RASGEF1C: variants seen among roughly 807,000 people sequenced by gnomAD.
The protein encoded by RASGEF1C is ras-GEF domain-containing family member 1C.
A neutral mutation model predicts 58.1 loss-of-function variants in RASGEF1C; 27 were observed. The observed-to-expected ratio is 0.46, with a 90% CI of 0.34 to 0.64. RASGEF1C has a LOEUF of 0.64. RASGEF1C is among the 30% of genes least tolerant of loss of function. The pLI, the probability that RASGEF1C is intolerant of heterozygous loss-of-function variation, is 0.01. For missense variants in RASGEF1C, 502 were observed against 605.1 expected, an observed-to-expected ratio of 0.83 and a Z score of 1.79; for synonymous variants, 243 against 246.3, an observed-to-expected ratio of 0.99 and a Z score of 0.13.
At chr5:180,169,412 T>C (rs1767067954) in intron 1 of RASGEF1C, among the ~76,000 whole-genome samples, 1 of 152,056 alleles carries the variant, frequency 6.6e-6, no homozygotes, top group African/African-American at 2.4e-5. Flanking sequence ...GGGGCTCCAG[T>C]GTCTGCTCCT....
intron 6 of RASGEF1C, among the ~76,000 whole-genome samples, chr5:180,122,033 C>G (rs1035692437): frequency 6.6e-6 from 1 of 152,206 alleles, no homozygotes; most frequent in African/African-American, 2.4e-5. Flanking sequence ...TGTGTGACAT[C>G]AGCATTCAGC....
At chr5:180,160,702 G>A (rs1766926482) in intron 1 of RASGEF1C, among the ~76,000 whole-genome samples, 1 of 152,150 alleles carries the variant, frequency 6.6e-6, no homozygotes, top group African/African-American at 2.4e-5. Context: ...TAGGTGCCCA[G>A]TGGAGAAAAC....
intron 1 of RASGEF1C, among the ~76,000 whole-genome samples, chr5:180,162,798 T>C (rs1303143383): frequency 1.3e-5 from 2 of 152,350 alleles, no homozygotes; most frequent in African/African-American, 4.8e-5. Flanking sequence ...GCATTACATA[T>C]GTAGATTAAT....
intron 12 of RASGEF1C, among the ~76,000 whole-genome samples, chr5:180,109,280 C>T (rs1287691232): frequency 6.6e-6 from 1 of 152,004 alleles, no homozygotes; most frequent in Non-Finnish European, 1.5e-5. Flanking sequence ...CATGGTGAAA[C>T]CCCGTCTCTA....
intron 1 of RASGEF1C, among the ~76,000 whole-genome samples, chr5:180,206,082 T>C (rs376745795): frequency 3.7e-4 from 56 of 152,220 alleles, no homozygotes; most frequent in African/African-American, 1.2e-3. Context: ...CTTTCACCAG[T>C]ATGTGAACAG....
At position 180,101,359 on chromosome 5, in the gene RASGEF1C, G is replaced by A; in HGVS notation, c.*142C>T. 4.5e-6 allele frequency: 4 copies of A among 880,314 alleles called. No homozygotes were observed. The highest frequency in any genetic ancestry group is 6.9e-6 in the Non-Finnish European group (4 of 576,304). 54.5% of individuals were successfully genotyped at this position (880,314 alleles called of 1,614,324 possible). ...TGCCCGTATGGCCACTGTGGGGGGG[G>A]GGGGGGCGGGCAGCAGGCCACAGGG... On this transcript the variant is annotated 3_prime_UTR_variant, in exon 14 of 14. Coordinates refer to ENST00000361132, the MANE Select transcript of RASGEF1C (RefSeq NM_175062.4).
At chr5:180,157,522 G>T (rs994479431) in intron 1 of RASGEF1C, among the ~76,000 whole-genome samples, 2 of 151,806 alleles carry the variant, frequency 1.3e-5, no homozygotes, top group Non-Finnish European at 2.9e-5. Flanking sequence ...AGCTACTTGG[G>T]AGGCTGAGGC....
chr5:180,165,657 C>T (rs181844296), intron 1 of RASGEF1C, among the ~76,000 whole-genome samples: 25 of 130,174 alleles, frequency 1.9e-4, no homozygotes, highest in Admixed American at 8.5e-4. Flanking sequence ...GGCAACAGAG[C>T]GAAACTCTGT....
chr5:180,152,726 A>G (rs4358487), intron 1 of RASGEF1C, among the ~76,000 whole-genome samples: 60,099 of 151,048 alleles, frequency 0.4, 13,470 homozygotes, highest in East Asian at 0.59. Flanking sequence ...AAAAAAAAAA[A>G]AGAAAGAAAA....
intron 1 of RASGEF1C, among the ~76,000 whole-genome samples, chr5:180,186,891 G>A (rs575680168): frequency 2.0e-5 from 3 of 152,156 alleles, no homozygotes; most frequent in African/African-American, 7.2e-5. Flanking sequence ...AGGTTGCAGC[G>A]AGCCAAGATC....
chr5:180,208,369 T>C (rs1322410666), intron 1 of RASGEF1C, among the ~76,000 whole-genome samples: 1 of 152,104 alleles, frequency 6.6e-6, no homozygotes, highest in African/African-American at 2.4e-5. Flanking sequence ...ACGCTGAGCA[T>C]GGGGCGGCGT....
At chr5:180,105,009 C>T (rs545146879) in intron 12 of RASGEF1C, among the ~76,000 whole-genome samples, 53 of 152,296 alleles carry the variant, frequency 3.5e-4, no homozygotes, top group Non-Finnish European at 6.8e-4. Flanking sequence ...GCAGATAGTA[C>T]GGAATCCTGT....
At chr5:180,145,928 TTAGA>T (rs1255674923) in intron 1 of RASGEF1C, among the ~76,000 whole-genome samples, 4 of 152,238 alleles carry the variant, frequency 2.6e-5, no homozygotes, top group Non-Finnish European at 5.9e-5. Flanking sequence ...TAGGAGTTTG[TTAGA>T]TAGTCTGGAT....
intron 4 of RASGEF1C, among the ~76,000 whole-genome samples, chr5:180,133,910 C>T (rs1766421801): frequency 6.6e-6 from 1 of 152,238 alleles, no homozygotes; most frequent in African/African-American, 2.4e-5. Flanking sequence ...CAAGCACACA[C>T]CTGACTTCAG....
intron 12 of RASGEF1C, among the ~76,000 whole-genome samples, chr5:180,111,222 C>T (rs913634036): frequency 7.2e-5 from 11 of 152,118 alleles, no homozygotes; most frequent in African/African-American, 2.7e-4. Flanking sequence ...GGGGAGGAGC[C>T]TGGCCCCGGG....
chr5:180,128,731 A>G lies in RASGEF1C; in HGVS notation c.439-121T>C, dbSNP rs1766308957. The G allele has an allele frequency of 3.8e-5, 39 of 1,014,594 alleles. 2 individuals carry two copies. The South Asian group carries it at 5.1e-4, about 13-fold the overall frequency. 62.8% of individuals were successfully genotyped at this position (1,014,594 alleles called of 1,614,324 possible). A position where few individuals can be genotyped will look rare whatever the true frequency, so the allele number is the denominator to read the frequency against. ...CTTTTCCTCAGGGTCTCTGGAGAAA[A>G]GGCCAGGTACCAGCGCAGGGGCCAG... On this transcript the variant is annotated intron_variant, in intron 4 of 13. Coordinates refer to ENST00000361132, the MANE Select transcript of RASGEF1C (RefSeq NM_175062.4).
Position 180,198,891 on chromosome 5 carries a change from C to G in RASGEF1C, c.-7+10137G>C, listed in dbSNP as rs1333860404. ...AGAGTAGGAACCCAGGGAGGCAGAG[C>G]TGGGCCCACAGGTCCAGGCCTTGAG... On this transcript the variant is annotated intron_variant, in intron 1 of 13. Transcript: ENST00000361132. This position sits in a 1 kb window ranked among gnomAD's most constrained non-coding sequence, Gnocchi z 4.5. Among the ~76,000 whole-genome samples, 1 of 152,102 alleles carries G rather than the reference C, an allele frequency of 6.6e-6. No individual in the cohort carries two copies.
At chr5:180,125,845 A>G (rs1766247769) in intron 6 of RASGEF1C, among the ~76,000 whole-genome samples, 1 of 152,164 alleles carries the variant, frequency 6.6e-6, no homozygotes, top group African/African-American at 2.4e-5. Context: ...AATCCATATA[A>G]CCAAAAGTTA....
chr5:180,180,711 C>T (rs558519751), intron 1 of RASGEF1C, among the ~76,000 whole-genome samples: 9 of 152,314 alleles, frequency 5.9e-5, no homozygotes, highest in African/African-American at 2.2e-4. Flanking sequence ...GCCAGCATGG[C>T]TGTGGTTGTG....
Sources: allele counts gnomAD v4.1 joint callset (sites outside exome capture counted in the v4.1 genomes callset), GRCh38; gene constraint gnomAD v4.1.1; non-coding constraint Gnocchi (gnomAD v3.1); transcripts MANE v1.5; gene names NCBI Gene and HGNC (gene_info 2026-07-23, HGNC 2026-07-21).